The following FBXW7 variants were observed in gnomAD, a reference collection of about 807,000 sequenced individuals.
FBXW7 encodes the protein F-box and WD repeat domain containing 7.
In FBXW7, 11 loss-of-function variants were observed where a neutral mutation model predicts 86.3. The ratio of observed to expected loss-of-function variants is 0.13; its 90% CI spans 0.08 to 0.21. FBXW7 has a LOEUF of 0.21. FBXW7 is among the 10% of genes least tolerant of loss of function. FBXW7 has a pLI of 1.00. For synonymous variants in FBXW7, 313 were observed against 297.9 expected, an observed-to-expected ratio of 1.05 and a Z score of -0.52; for missense variants, 488 against 847.4, an observed-to-expected ratio of 0.58 and a Z score of 5.27.
intron 13 of FBXW7, chr4:152,323,373 C>T: frequency 1.7e-6 from 1 of 586,814 alleles, no homozygotes; most frequent in South Asian, 2.2e-5. Flanking sequence ...GGTCTGTCTT[C>T]CAAGAAGCTT....
intron 2 of FBXW7, among the ~76,000 whole-genome samples, chr4:152,505,708 C>T (rs1747351779): frequency 6.6e-6 from 1 of 151,886 alleles, no homozygotes; most frequent in African/African-American, 2.4e-5. Flanking sequence ...CCTTCTGGAA[C>T]ACCTCCTGAA....
chr4:152,413,013 C>T (rs1464654367), intron 2 of FBXW7, among the ~76,000 whole-genome samples: 1 of 152,020 alleles, frequency 6.6e-6, no homozygotes, highest in African/African-American at 2.4e-5. Context: ...TCTATATGGA[C>T]ATCTTTGAAG....
intron 2 of FBXW7, among the ~76,000 whole-genome samples, chr4:152,505,802 C>T (rs553895695): frequency 4.0e-5 from 6 of 150,426 alleles, no homozygotes; most frequent in South Asian, 2.1e-4. Flanking sequence ...AGTGTGGTGG[C>T]GCTATACTGG....
rs933607820 is a variant in FBXW7 at position 152,525,763 on chromosome 4, G to A, written c.-120+9178C>T. Among the ~76,000 whole-genome samples, 8 of 152,262 alleles carry A rather than the reference G, an allele frequency of 5.3e-5. No homozygotes were observed. In the East Asian group the frequency reaches 7.7e-4, roughly 15 times the overall value. On this transcript the variant is annotated intron_variant, in intron 2 of 13. Coordinates refer to ENST00000281708, the MANE Select transcript of FBXW7 (RefSeq NM_001349798.2). ...TTGTGATTAGTGCTGTAAGGAACAC[G>A]CGTGTGCATGTGTCTTTATGGTAGA...
intron 2 of FBXW7, among the ~76,000 whole-genome samples, chr4:152,499,883 G>A (rs879336397): frequency 3.3e-5 from 5 of 152,032 alleles, no homozygotes; most frequent in Non-Finnish European, 5.9e-5. Flanking sequence ...TATTTTAGAC[G>A]TAGGGATCCA....
At chr4:152,439,534 A>AACTAT (rs959691786) in intron 2 of FBXW7, among the ~76,000 whole-genome samples, 3 of 152,120 alleles carry the variant, frequency 2.0e-5, no homozygotes, top group African/African-American at 7.2e-5. Flanking sequence ...CTTCAGAGAC[A>AACTAT]ACTATACTGT....
At chr4:152,330,664 A>G (rs908040083) in intron 9 of FBXW7, 68 bp downstream of exon 9, 2 of 1,400,522 alleles carry the variant, frequency 1.4e-6, no homozygotes, top group African/African-American at 1.5e-5. Context: ...CAGTTTGCCA[A>G]GTGAAATAGT....
chr4:152,494,759 A>T (rs958457903), intron 2 of FBXW7, among the ~76,000 whole-genome samples: 1 of 152,232 alleles, frequency 6.6e-6, no homozygotes, highest in Non-Finnish European at 1.5e-5. Context: ...GAATAAGTAA[A>T]ATCTACCAGA....
Position 152,411,659 on chromosome 4 carries a change from CTTG to C in FBXW7, c.142_144del (p.Gln48del), listed in dbSNP as rs1195171478. The C allele has an allele frequency of 2.5e-6, 4 of 1,614,008 alleles. No individual in the cohort carries two copies. Among genetic ancestry groups the C allele is most frequent in the South Asian group, 1.1e-5 (1 of 91,076 alleles). On this transcript the variant is annotated inframe_deletion, in exon 4 of 14. Coordinates refer to ENST00000281708, the MANE Select transcript of FBXW7 (RefSeq NM_001349798.2). ...CCATTCCTTGCAGTGTGCTCCTCCT[CTTG>C]TTGTCTGAGTTGCTGTTGCTGTTCC... is the stretch of plus-strand genomic sequence containing the variant.
At chr4:152,476,753 T>C (rs1300964597) in intron 2 of FBXW7, among the ~76,000 whole-genome samples, 6 of 152,150 alleles carry the variant, frequency 3.9e-5, no homozygotes, top group Non-Finnish European at 7.4e-5. Flanking sequence ...GAAAATATTA[T>C]TGGGAGACAA....
intron 2 of FBXW7, among the ~76,000 whole-genome samples, chr4:152,490,847 T>C (rs1305160956): frequency 6.6e-6 from 1 of 152,066 alleles, no homozygotes; most frequent in Non-Finnish European, 1.5e-5. Context: ...CAGTAAGATA[T>C]ATCAAAATTT....
intron 2 of FBXW7, among the ~76,000 whole-genome samples, chr4:152,474,471 T>C (rs751703990): frequency 3.3e-5 from 5 of 152,188 alleles, no homozygotes; most frequent in Non-Finnish European, 7.3e-5. Flanking sequence ...GAGTTCTAAG[T>C]AGTTATGTGA....
intron 2 of FBXW7, among the ~76,000 whole-genome samples, chr4:152,430,254 C>G (rs1310094716): frequency 1.3e-5 from 2 of 152,102 alleles, no homozygotes; most frequent in Non-Finnish European, 2.9e-5. Flanking sequence ...ACCAACAATG[C>G]TTTCTCTTAG....
chr4:152,349,975 TA>T (rs2126648412), intron 5 of FBXW7, 66 bp downstream of exon 5: 1 of 895,786 alleles, frequency 1.1e-6, no homozygotes, highest in Admixed American at 2.5e-5. Flanking sequence ...AAGAATAAAC[TA>T]AAACACTTTC....
At chr4:152,366,585 C>T (rs562260540) in intron 4 of FBXW7, among the ~76,000 whole-genome samples, 1 of 152,042 alleles carries the variant, frequency 6.6e-6, no homozygotes, top group Non-Finnish European at 1.5e-5. Context: ...AATGAGATAC[C>T]ATCTCACACC....
chr4:152,376,953 T>A (rs1202360904), intron 4 of FBXW7, among the ~76,000 whole-genome samples: 2 of 151,874 alleles, frequency 1.3e-5, no homozygotes, highest in African/African-American at 4.8e-5. Context: ...AAAAAAAACT[T>A]AAAAGGGATT....
intron 4 of FBXW7, among the ~76,000 whole-genome samples, chr4:152,367,522 C>T (rs1220535681): frequency 1.3e-5 from 2 of 151,994 alleles, no homozygotes; most frequent in East Asian, 1.9e-4. Flanking sequence ...CTAAAATACT[C>T]TAATAAAAAT....
At chr4:152,463,345 C>T (rs991723054) in intron 2 of FBXW7, among the ~76,000 whole-genome samples, 6 of 151,988 alleles carry the variant, frequency 3.9e-5, no homozygotes, top group Admixed American at 1.3e-4. Flanking sequence ...CCAGAAACTT[C>T]GTTGTAAGTT....
chr4:152,508,357 T>A (rs919453597), intron 2 of FBXW7, among the ~76,000 whole-genome samples: 3 of 151,808 alleles, frequency 2.0e-5, no homozygotes, highest in Non-Finnish European at 4.4e-5. Context: ...ACAGAAGAAA[T>A]GATGGAAACA....
Sources: gnomAD v4.1 joint callset for allele counts (sites outside exome capture counted in the v4.1 genomes callset) on GRCh38, gnomAD v4.1.1 for gene constraint, MANE v1.5 for transcripts, NCBI Gene and HGNC (gene_info 2026-07-23, HGNC 2026-07-21) for gene names.